Variants in PPP1R9A observed in about 807,000 individuals in gnomAD.
PPP1R9A encodes the protein protein phosphatase 1 regulatory subunit 9A.
PPP1R9A carries 59 observed loss-of-function variants against 141.9 expected under a neutral mutation model. The observed-to-expected ratio is 0.42, with a 90% CI of 0.34 to 0.52. The LOEUF (loss-of-function observed/expected upper bound fraction) is 0.52, where lower values mean the gene tolerates loss of function less well. Among genes scored for constraint, PPP1R9A ranks in the 20% least tolerant of loss-of-function variants. PPP1R9A has a pLI of 0.10. For synonymous variants in PPP1R9A, 500 were observed against 569.7 expected, an observed-to-expected ratio of 0.88 and a Z score of 1.74; for missense variants, 1,444 against 1,611.9, an observed-to-expected ratio of 0.90 and a Z score of 1.78.
chr7:94,979,539 G>A (rs1204581557), intron 2 of PPP1R9A, among the ~76,000 whole-genome samples: 1 of 152,220 alleles, frequency 6.6e-6, no homozygotes, highest in Non-Finnish European at 1.5e-5. Flanking sequence ...TCTAGATAGT[G>A]TGGACTTAAA....
chr7:95,227,915 C>T (rs768272148), intron 8 of PPP1R9A, among the ~76,000 whole-genome samples: 2 of 152,144 alleles, frequency 1.3e-5, no homozygotes, highest in Non-Finnish European at 2.9e-5. Flanking sequence ...ATATTCATTT[C>T]TTCAGAATAT....
intron 2 of PPP1R9A, among the ~76,000 whole-genome samples, chr7:94,969,496 C>A (rs769507047): frequency 9.2e-5 from 14 of 152,092 alleles, no homozygotes; most frequent in Non-Finnish European, 1.8e-4. Flanking sequence ...GCAAAGATTG[C>A]TGCCTGTTCC....
At chr7:95,050,133 G>A (rs948477490) in intron 2 of PPP1R9A, among the ~76,000 whole-genome samples, 1 of 152,148 alleles carries the variant, frequency 6.6e-6, no homozygotes, top group Non-Finnish European at 1.5e-5. Flanking sequence ...GTTGTATCAC[G>A]TCCTTAGCAG....
At position 95,279,538 on chromosome 7, in the gene PPP1R9A, CTTTT is replaced by C. The variant is rs201026695; in HGVS notation, c.3297-4478_3297-4475del. 7.3e-3 allele frequency among the ~76,000 whole-genome samples: 1,111 copies of C among 152,268 alleles called. 18 individuals carry two copies. The highest frequency in any genetic ancestry group is 0.025 in the African/African-American group (1,046 of 41,534). On this transcript the variant is annotated intron_variant, in intron 16 of 19. Coordinates refer to ENST00000433360, the MANE Select transcript of PPP1R9A (RefSeq NM_001166160.2). ...ATTTATCAATTTAATATTCAGTTTT[CTTTT>C]TAAGTACAGTATTTCAAATGCCTGA...
chr7:95,242,243 A>G (rs1046235235), intron 8 of PPP1R9A, among the ~76,000 whole-genome samples: 4 of 152,164 alleles, frequency 2.6e-5, no homozygotes, highest in Non-Finnish European at 5.9e-5. Context: ...ACATCACTCA[A>G]ATACTCACAA....
rs367927828 is a variant in PPP1R9A, at chr7:95,274,148, T to C, written c.3276T>C (p.Ser1092=). Residue 1092 remains serine, a synonymous_variant, in exon 16 of 20, where the codon AGT becomes AGC. Coordinates refer to ENST00000433360, the MANE Select transcript of PPP1R9A (RefSeq NM_001166160.2). ...GGAAAGAAAAAGAAAAAGAAGCCAG[T>C]AGGTTTTCTGCAGGTAGCAGGTACG... The part of the protein sequence containing the change: ...KKWKEKEKEA[S]RFSAGSRIFR... 41 of 1,578,038 alleles carry C rather than the reference T, an allele frequency of 2.6e-5. No homozygotes were observed. Among genetic ancestry groups the C allele is most frequent in the Non-Finnish European group, 3.3e-5 (38 of 1,167,304 alleles).
At chr7:95,277,909 C>T (rs1803490968) in intron 16 of PPP1R9A, among the ~76,000 whole-genome samples, 1 of 152,150 alleles carries the variant, frequency 6.6e-6, no homozygotes, top group African/African-American at 2.4e-5. Context: ...AGATAAGTTT[C>T]CAGTGTAGTC....
intron 4 of PPP1R9A, among the ~76,000 whole-genome samples, chr7:95,148,766 GC>G (rs1828105427): frequency 6.6e-6 from 1 of 151,394 alleles, no homozygotes; most frequent in East Asian, 1.9e-4. Context: ...GGTGAATTCT[GC>G]CCAACACTTA....
At chr7:94,995,377 T>C (rs1802043903) in intron 2 of PPP1R9A, among the ~76,000 whole-genome samples, 2 of 152,104 alleles carry the variant, frequency 1.3e-5, no homozygotes, top group Admixed American at 1.3e-4. Context: ...TGGCCATTTT[T>C]TCCCCCCAAT....
intron 4 of PPP1R9A, among the ~76,000 whole-genome samples, 180 bp from the exon 5 acceptor site, chr7:95,161,687 C>T (rs761995945): frequency 2.6e-5 from 4 of 151,766 alleles, no homozygotes; most frequent in Non-Finnish European, 4.4e-5. Flanking sequence ...TGGTTGAATC[C>T]ACAAATGTGG....
At chr7:95,140,773 C>T (rs1368635116) in intron 4 of PPP1R9A, among the ~76,000 whole-genome samples, 4 of 152,148 alleles carry the variant, frequency 2.6e-5, no homozygotes, top group Non-Finnish European at 5.9e-5. Context: ...AGTGCAGTGG[C>T]ACAGTCTTGG....
chr7:95,225,145 G>T (rs976094938), intron 7 of PPP1R9A, among the ~76,000 whole-genome samples: 1 of 152,050 alleles, frequency 6.6e-6, no homozygotes, highest in Non-Finnish European at 1.5e-5. Flanking sequence ...TATTACAAAG[G>T]AGTGAAGCTA....
chr7:94,985,026 T>A (rs1800630063), intron 2 of PPP1R9A, among the ~76,000 whole-genome samples: 1 of 152,204 alleles, frequency 6.6e-6, no homozygotes. Context: ...AATTCTGGTA[T>A]GTTGTGTCTT....
intron 1 of PPP1R9A, among the ~76,000 whole-genome samples, chr7:94,909,010 G>A (rs1791145481): frequency 6.6e-6 from 1 of 152,178 alleles, no homozygotes; most frequent in African/African-American, 2.4e-5. Flanking sequence ...CTGCTCCTCA[G>A]CATATCTTGA....
At chr7:94,927,779 T>C (rs564059893) in intron 2 of PPP1R9A, among the ~76,000 whole-genome samples, 5 of 152,298 alleles carry the variant, frequency 3.3e-5, no homozygotes, top group Non-Finnish European at 5.9e-5. Context: ...AGGGTGACCA[T>C]ATATAATTTA....
At chr7:95,231,485 C>A (rs1033224499) in intron 8 of PPP1R9A, among the ~76,000 whole-genome samples, 1 of 152,044 alleles carries the variant, frequency 6.6e-6, no homozygotes, top group African/African-American at 2.4e-5. Context: ...CCAAGATAGA[C>A]CTTATGATAG....
At chr7:94,914,844 G>T (rs1489486241) in intron 2 of PPP1R9A, among the ~76,000 whole-genome samples, 1 of 152,162 alleles carries the variant, frequency 6.6e-6, no homozygotes, top group East Asian at 1.9e-4. Context: ...AGCTGATGAA[G>T]TAAGGAGCTG....
chr7:95,060,130 T>C (rs887180105), intron 2 of PPP1R9A, among the ~76,000 whole-genome samples: 1 of 152,196 alleles, frequency 6.6e-6, no homozygotes, highest in African/African-American at 2.4e-5. Context: ...ACACCAGCTC[T>C]GTAAGTACCA....
At chr7:95,259,345 G>A (rs1800085517) in intron 12 of PPP1R9A, among the ~76,000 whole-genome samples, 1 of 150,382 alleles carries the variant, frequency 6.6e-6, no homozygotes, top group African/African-American at 2.4e-5. Context: ...TTATATAAAT[G>A]TTTTAGACTA....
Sources: gnomAD v4.1 joint callset for allele counts (sites outside exome capture counted in the v4.1 genomes callset) on GRCh38, gnomAD v4.1.1 for gene constraint, MANE v1.5 for transcripts, NCBI Gene and HGNC (gene_info 2026-07-23, HGNC 2026-07-21) for gene names.